Variants in SCARA3 observed in about 807,000 individuals in gnomAD.
SCARA3 encodes the protein scavenger receptor class A member 3, also known as cellular stress response gene protein.
Under a neutral mutation model 47.0 loss-of-function variants are expected in SCARA3, and 39 were observed. That is an observed-to-expected ratio of 0.83 (90% CI 0.64 to 1.08). The LOEUF is 1.08. SCARA3 is among the 50% of genes least tolerant of loss of function. The pLI, the probability that SCARA3 is intolerant of heterozygous loss-of-function variation, is 0.00. For missense variants in SCARA3, 724 were observed against 792.3 expected (o/e 0.91, Z 1.04); for synonymous variants, 356 against 334.1 (o/e 1.07, Z -0.71).
At chr8:27,722,955 C>T in the SCARA3 span, among the ~76,000 whole-genome samples, 1 of 152,174 alleles carries the variant, frequency 6.6e-6, no homozygotes, top group Non-Finnish European at 1.5e-5. Context: ...CTCTCCCTCC[C>T]ACCAGCACAC....
At chr8:27,729,730 A>G in the SCARA3 span, among the ~76,000 whole-genome samples, 1 of 152,156 alleles carries the variant, frequency 6.6e-6, no homozygotes, top group Non-Finnish European at 1.5e-5. Flanking sequence ...GGCGAAAGTT[A>G]CAGTGAGCTG....
chr8:27,718,698 C>G, the SCARA3 span, among the ~76,000 whole-genome samples: 1 of 152,234 alleles, frequency 6.6e-6, no homozygotes, highest in Admixed American at 6.5e-5. Context: ...GCTGAAGACA[C>G]AACAGGGGTG....
chr8:27,691,663 C>T, the SCARA3 span, among the ~76,000 whole-genome samples: 6 of 152,064 alleles, frequency 3.9e-5, no homozygotes, highest in Non-Finnish European at 5.9e-5. Flanking sequence ...TCTGTTCTTC[C>T]TCCTGACTTC....
At chr8:27,633,678 C>A (rs983004639), upstream of SCARA3, among the ~76,000 whole-genome samples, 8 of 151,950 alleles carry the variant, frequency 5.3e-5, no homozygotes, top group Non-Finnish European at 1.0e-4. Flanking sequence ...TGTGGGGCTG[C>A]GGGGGCGCAC....
chr8:27,634,436 C>T (rs1011231907), intron 1 of SCARA3, among the ~76,000 whole-genome samples: 3 of 152,178 alleles, frequency 2.0e-5, no homozygotes, highest in Non-Finnish European at 4.4e-5. Context: ...CCCTTGCAGT[C>T]CTGTTCTCAT....
chr8:27,658,727 G>C lies in SCARA3; in HGVS notation c.557G>C (p.Gly186Ala), dbSNP rs773573955. The change falls in exon 5 of 6, where the codon GGG becomes GCG. Residue 186 changes from glycine (G) to alanine (A), a missense_variant. Coordinates refer to ENST00000301904, the MANE Select transcript of SCARA3 (RefSeq NM_016240.3). ...ATCCACCAGGTTAACCAGTCTCTGGGGCTCTTCCTGGCCCAGGTGAGAGGC... is the reference window on the plus strand; with the variant it reads ...ATCCACCAGGTTAACCAGTCTCTGGCGCTCTTCCTGGCCCAGGTGAGAGGC... ...FSIHQVNQSL[G>A]LFLAQVRGWQ... 1 of 1,614,116 alleles carries C rather than the reference G, an allele frequency of 6.2e-7. No individual in the cohort carries two copies. The highest frequency in any genetic ancestry group is 8.5e-7 in the Non-Finnish European group (1 of 1,180,004).
intron 3 of SCARA3, among the ~76,000 whole-genome samples, chr8:27,652,091 G>C (rs1267631554): frequency 6.6e-6 from 1 of 152,214 alleles, no homozygotes; most frequent in Non-Finnish European, 1.5e-5. Context: ...AGTGAGGCTG[G>C]ATGCCTACCT....
At chr8:27,690,648 A>T in the SCARA3 span, among the ~76,000 whole-genome samples, 51,675 of 152,088 alleles carry the variant, frequency 0.34, 9,645 homozygotes, top group East Asian at 0.46. Context: ...TTAAAAAGCA[A>T]TGTGCAAAAG....
At chr8:27,701,947 T>G in the SCARA3 span, 2 of 152,662 alleles carry the variant, frequency 1.3e-5, no homozygotes, top group African/African-American at 4.8e-5. Context: ...TCTGAGACCT[T>G]GTGCTACTCA....
chr8:27,730,510 G>A, the SCARA3 span, among the ~76,000 whole-genome samples: 1 of 133,966 alleles, frequency 7.5e-6, no homozygotes, highest in Non-Finnish European at 1.6e-5. Context: ...TTTTTTAATC[G>A]GGTCTCACTC....
intron 3 of SCARA3, 84 bp from the exon 4 acceptor site, chr8:27,656,698 C>A: frequency 1.2e-6 from 1 of 842,998 alleles, no homozygotes; most frequent in Non-Finnish European, 2.1e-6. Flanking sequence ...TGCAGAGGAG[C>A]TGATAAAGAT....
the SCARA3 span, among the ~76,000 whole-genome samples, chr8:27,704,900 C>T: frequency 6.6e-6 from 1 of 152,138 alleles, no homozygotes; most frequent in African/African-American, 2.4e-5. Flanking sequence ...TGCCAGCGCC[C>T]TGCAGGGTAA....
At chr8:27,712,260 T>C in the SCARA3 span, among the ~76,000 whole-genome samples, 1 of 152,230 alleles carries the variant, frequency 6.6e-6, no homozygotes, top group Admixed American at 6.5e-5. Flanking sequence ...GTTAGTAATA[T>C]GCATTTAAGA....
chr8:27,692,227 C>T, the SCARA3 span, among the ~76,000 whole-genome samples: 1 of 152,120 alleles, frequency 6.6e-6, no homozygotes, highest in Non-Finnish European at 1.5e-5. Flanking sequence ...CGAGACCAGC[C>T]TGACCAACAT....
chr8:27,651,639 G>A lies in SCARA3; in HGVS notation c.226+12G>A, dbSNP rs1801635471. On this transcript the variant is annotated intron_variant, in intron 3 of 5. Transcript: ENST00000301904. ...GTTGGCCTCTCTGGGTGAGTCCGGG[G>A]CTTTCCCACCCCGGGCTGCAGGGGG... The A allele has an allele frequency of 6.2e-7, 1 of 1,613,160 alleles. No individual in the cohort carries two copies. Among genetic ancestry groups the A allele is most frequent in the Admixed American group, 1.7e-5 (1 of 59,878 alleles).
chr8:27,706,722 T>G, the SCARA3 span, among the ~76,000 whole-genome samples: 1 of 151,978 alleles, frequency 6.6e-6, no homozygotes, highest in African/African-American at 2.4e-5. Flanking sequence ...TGGATGAAAC[T>G]TGGGGACTGA....
chr8:27,687,902 G>T, the SCARA3 span, among the ~76,000 whole-genome samples: 1 of 152,170 alleles, frequency 6.6e-6, no homozygotes, highest in Non-Finnish European at 1.5e-5. Flanking sequence ...TGTAATCCCA[G>T]CTGCTCAGGA....
In SCARA3 at chr8:27,671,641, T is replaced by TGC; in HGVS notation, c.*291_*292dup. The TGC allele has an allele frequency of 3.5e-6, 4 of 1,129,314 alleles. No individual in the cohort carries two copies. Among genetic ancestry groups the TGC allele is most frequent in the Non-Finnish European group, 4.4e-6 (4 of 917,148 alleles). 70.0% of individuals were successfully genotyped at this position (1,129,314 alleles called of 1,614,324 possible). ...GCACACATACACAGGCATACATGCA[T>TGC]GCACACACACATGCACGCACACACA... On this transcript the variant is annotated 3_prime_UTR_variant, in exon 6 of 6. Transcript: ENST00000301904.
At chr8:27,648,624 A>G (rs531288571) in intron 1 of SCARA3, among the ~76,000 whole-genome samples, 2 of 152,228 alleles carry the variant, frequency 1.3e-5, no homozygotes, top group South Asian at 4.1e-4. Context: ...AAAAAGGAAA[A>G]AAGGAAAACT....
Sources: allele counts gnomAD v4.1 joint callset (sites outside exome capture counted in the v4.1 genomes callset), GRCh38; gene constraint gnomAD v4.1.1; transcripts MANE v1.5; gene names NCBI Gene and HGNC (gene_info 2026-07-23, HGNC 2026-07-21).